Variants in GLI2 observed in about 807,000 individuals in gnomAD.
GLI2 encodes the protein GLI family zinc finger 2.
In GLI2, 22 loss-of-function variants were observed where a neutral mutation model predicts 78.9. The ratio of observed to expected loss-of-function variants is 0.28; its 90% confidence interval spans 0.20 to 0.40. GLI2 has a LOEUF of 0.40. Among genes scored for constraint, GLI2 ranks in the 10% least tolerant of loss-of-function variants. The probability of loss-of-function intolerance (pLI) is 1.00; values close to 1 mark genes in which losing one functional copy is unlikely to be tolerated. For missense variants in GLI2, 2,097 were observed against 2,213.2 expected, an observed-to-expected ratio of 0.95 and a Z score of 1.05; for synonymous variants, 974 against 963.7, an observed-to-expected ratio of 1.01 and a Z score of -0.20.
At chr2:120,741,156 G>A (rs1348667110) in intron 1 of GLI2, among the ~76,000 whole-genome samples, 1 of 152,190 alleles carries the variant, frequency 6.6e-6, no homozygotes, top group Non-Finnish European at 1.5e-5. Context: ...CTGGGACACA[G>A]TTAAGTATCT....
intron 2 of GLI2, among the ~76,000 whole-genome samples, chr2:120,818,743 A>G (rs1017861559): frequency 1.3e-5 from 2 of 152,234 alleles, no homozygotes; most frequent in African/African-American, 4.8e-5. Flanking sequence ...TTCAAGGCCA[A>G]ATTCAGTAGT....
At chr2:120,768,132 A>G (rs1003931691) in intron 1 of GLI2, among the ~76,000 whole-genome samples, 9 of 152,188 alleles carry the variant, frequency 5.9e-5, no homozygotes, top group Non-Finnish European at 2.9e-5. Flanking sequence ...TGCAGCATCT[A>G]CCCTGGAATA....
At chr2:120,961,144 ATGT>A (rs1361081372) in intron 5 of GLI2, among the ~76,000 whole-genome samples, 28 of 152,130 alleles carry the variant, frequency 1.8e-4, no homozygotes, top group African/African-American at 5.1e-4. Flanking sequence ...TCCGACTGAA[ATGT>A]TGTCTGTTTA....
intron 2 of GLI2, among the ~76,000 whole-genome samples, chr2:120,903,770 A>C (rs1303143267): frequency 6.6e-6 from 1 of 152,168 alleles, no homozygotes; most frequent in Non-Finnish European, 1.5e-5. Flanking sequence ...AGCCTTCCCA[A>C]ACCCCTTTGT....
At chr2:120,920,274 CG>C (rs1558882847) in intron 2 of GLI2, among the ~76,000 whole-genome samples, 1 of 152,274 alleles carries the variant, frequency 6.6e-6, no homozygotes, top group African/African-American at 2.4e-5. Context: ...AGCCCAGCCA[CG>C]GGGCAGTGCC....
intron 1 of GLI2, among the ~76,000 whole-genome samples, 192 bp downstream of exon 1, chr2:120,736,477 T>C (rs932436549): frequency 1.3e-5 from 2 of 151,656 alleles, no homozygotes; most frequent in African/African-American, 4.8e-5. Context: ...CGCCTGGGGC[T>C]CTGGACGAGC....
At chr2:120,841,405 G>T (rs1686862498) in intron 2 of GLI2, among the ~76,000 whole-genome samples, 1 of 152,140 alleles carries the variant, frequency 6.6e-6, no homozygotes, top group Non-Finnish European at 1.5e-5. Flanking sequence ...ACTTTGCCTG[G>T]GGCCATCCTG....
chr2:120,841,043 G>A (rs1380752432), intron 2 of GLI2, among the ~76,000 whole-genome samples: 1 of 152,162 alleles, frequency 6.6e-6, no homozygotes, highest in African/African-American at 2.4e-5. Context: ...TTGAGCTGGA[G>A]GGCCTTTAGT....
At chr2:120,749,535 C>T (rs1682802715) in intron 1 of GLI2, among the ~76,000 whole-genome samples, 1 of 152,206 alleles carries the variant, frequency 6.6e-6, no homozygotes, top group Admixed American at 6.5e-5. Context: ...GAGTTCCAGG[C>T]TGGCTTTGCC....
intron 1 of GLI2, among the ~76,000 whole-genome samples, chr2:120,791,931 G>A (rs530331184): frequency 4.6e-5 from 7 of 152,270 alleles, no homozygotes; most frequent in African/African-American, 1.4e-4. Context: ...GTGAGCCTGC[G>A]TGTGTGTGTG....
intron 5 of GLI2, among the ~76,000 whole-genome samples, chr2:120,961,456 G>A (rs778385233): frequency 6.6e-6 from 1 of 152,162 alleles, no homozygotes; most frequent in Non-Finnish European, 1.5e-5. Context: ...CGGGCTAAGC[G>A]GTGTCTATGG....
intron 3 of GLI2, among the ~76,000 whole-genome samples, chr2:120,931,555 G>A (rs1449259749): frequency 3.3e-5 from 5 of 152,208 alleles, no homozygotes; most frequent in Admixed American, 2.6e-4. Flanking sequence ...GGATCACTGA[G>A]CCCCAGTGTG....
At chr2:120,931,556 C>A (rs2104884484) in intron 3 of GLI2, among the ~76,000 whole-genome samples, 1 of 152,288 alleles carries the variant, frequency 6.6e-6, no homozygotes, top group East Asian at 1.9e-4. Context: ...GATCACTGAG[C>A]CCCAGTGTGG....
At chr2:120,922,606 G>T (rs1406418744) in intron 2 of GLI2, among the ~76,000 whole-genome samples, 2 of 152,164 alleles carry the variant, frequency 1.3e-5, no homozygotes, top group Admixed American at 1.3e-4. Flanking sequence ...AAAACTAAAG[G>T]TGCTGTCAGC....
At position 120,737,438 on chromosome 2, in the gene GLI2, A is replaced by G. The variant is rs1682403091; in HGVS notation, c.-31+1153A>G. 6.6e-6 allele frequency among the ~76,000 whole-genome samples: 1 copy of G among 151,876 alleles called. No homozygotes were observed. Among genetic ancestry groups the G allele is most frequent in the Admixed American group, 6.5e-5 (1 of 15,270 alleles). ...CCCCCCGAGGGTGCCTCTTTCCACT[A>G]CCTTCTCTTTTGTGTAATTGTTCTG... On this transcript the variant is annotated intron_variant, in intron 1 of 13. Transcript: ENST00000361492. This position sits in a 1 kb window ranked among gnomAD's most constrained non-coding sequence, Gnocchi z 4.3.
chr2:120,972,743 G>A (rs187027385), intron 8 of GLI2: 4 of 509,384 alleles, frequency 7.9e-6, no homozygotes, highest in Non-Finnish European at 1.6e-5. Context: ...GGCGTGGTGA[G>A]GGGGGAAGAC....
chr2:120,802,812 C>T (rs929177081), intron 2 of GLI2, among the ~76,000 whole-genome samples: 22 of 152,348 alleles, frequency 1.4e-4, no homozygotes, highest in African/African-American at 4.3e-4. Context: ...ACCTCTTCCA[C>T]GAAGCATCCA....
chr2:120,989,655 T>C lies in GLI2; in HGVS notation c.3690T>C (p.Tyr1230=), dbSNP rs2105093890. Residue 1230 remains tyrosine (Y), a synonymous_variant, in exon 14 of 14, where the codon TAT becomes TAC. Transcript: ENST00000361492. ...CCACTATGAGCCCCCATGCCTGCTATGGCCAAGTCCACCCCCAGCTGAGCC... is the reference window on the plus strand; with the variant it reads ...CCACTATGAGCCCCCATGCCTGCTACGGCCAAGTCCACCCCCAGCTGAGCC... ...MTTTMSPHAC[Y]GQVHPQLSPS... 6.2e-7 allele frequency: 1 copy of C among 1,613,422 alleles called. No individual in the cohort carries two copies. Among genetic ancestry groups the C allele is most frequent in the Non-Finnish European group, 8.5e-7 (1 of 1,180,004 alleles).
intron 3 of GLI2, among the ~76,000 whole-genome samples, chr2:120,929,719 C>T (rs1413213705): frequency 1.3e-5 from 2 of 152,182 alleles, no homozygotes; most frequent in African/African-American, 4.8e-5. Context: ...TGTTTTATTT[C>T]GGTGTGCATA....
Sources: allele counts gnomAD v4.1 joint callset (sites outside exome capture counted in the v4.1 genomes callset), GRCh38; gene constraint gnomAD v4.1.1; non-coding constraint Gnocchi (gnomAD v3.1); transcripts MANE v1.5; gene names NCBI Gene and HGNC (gene_info 2026-07-23, HGNC 2026-07-21).